CSMD1: variants seen among roughly 807,000 people sequenced by gnomAD.
CSMD1 encodes the protein CUB and sushi domain-containing protein 1.
A neutral mutation model predicts 417.5 loss-of-function variants in CSMD1; 213 were observed. The observed-to-expected ratio is 0.51, with a 90% CI of 0.46 to 0.57. The LOEUF is 0.57. CSMD1 is among the 20% of genes least tolerant of loss of function. The pLI, the probability that CSMD1 is intolerant of heterozygous loss-of-function variation, is 0.00. For synonymous variants in CSMD1, 2,862 were observed against 1,736.8 expected (o/e 1.65, Z -16.11); for missense variants, 6,923 against 4,529.7 (o/e 1.53, Z -15.17).
chr8:3,951,444 T>G (rs748466858), intron 5 of CSMD1, among the ~76,000 whole-genome samples: 1 of 152,206 alleles, frequency 6.6e-6, no homozygotes, highest in Non-Finnish European at 1.5e-5. Flanking sequence ...TAGTGGGATG[T>G]AGAGTGCTGT....
At chr8:3,041,927 G>T (rs537248455) in intron 50 of CSMD1, among the ~76,000 whole-genome samples, 2 of 152,114 alleles carry the variant, frequency 1.3e-5, no homozygotes, top group African/African-American at 4.8e-5. Flanking sequence ...TTGACATCAC[G>T]GTCCTCTTGG....
intron 3 of CSMD1, among the ~76,000 whole-genome samples, chr8:4,248,441 G>T (rs971389517): frequency 6.6e-6 from 1 of 152,072 alleles, no homozygotes; most frequent in Non-Finnish European, 1.5e-5. Flanking sequence ...TTGAACATAA[G>T]ATCCTAATTA....
intron 1 of CSMD1, among the ~76,000 whole-genome samples, chr8:4,984,317 A>C (rs1421421138): frequency 2.0e-5 from 3 of 152,198 alleles, no homozygotes; most frequent in Non-Finnish European, 4.4e-5. Context: ...TGAGAGTAGA[A>C]AGGAGCAAGG....
intron 6 of CSMD1, among the ~76,000 whole-genome samples, chr8:3,736,765 T>C (rs2981369): frequency 0.62 from 94,411 of 152,064 alleles, 31,012 homozygotes; most frequent in East Asian, 0.75. Context: ...AGGTGTGTCG[T>C]TTTGCCTCAG....
At chr8:4,699,682 A>G (rs1333826771) in intron 1 of CSMD1, among the ~76,000 whole-genome samples, 3 of 152,210 alleles carry the variant, frequency 2.0e-5, no homozygotes, top group Admixed American at 2.0e-4. Flanking sequence ...CATCATCCGT[A>G]CATATGATTT....
chr8:3,159,587 T>G (rs1318090016), intron 38 of CSMD1, among the ~76,000 whole-genome samples: 1 of 152,172 alleles, frequency 6.6e-6, no homozygotes, highest in Non-Finnish European at 1.5e-5. Context: ...TATATTAAAG[T>G]GTTAGTAAAA....
chr8:4,315,937 T>A (rs568921309), intron 3 of CSMD1, among the ~76,000 whole-genome samples: 1 of 152,264 alleles, frequency 6.6e-6, no homozygotes, highest in East Asian at 1.9e-4. Context: ...AAATATAACC[T>A]TCTCTTAACT....
rs562338400 is a variant in CSMD1, at chr8:3,516,699, G to A, written c.1345-22973C>T. Reference sequence around the variant, plus strand: ...AGGTGGTATTTGGTTACATGAGAAAGTTCTTTGGTGGAGATTTGTGATATT... The same window carrying A: ...AGGTGGTATTTGGTTACATGAGAAAATTCTTTGGTGGAGATTTGTGATATT... On this transcript the variant is annotated intron_variant, in intron 10 of 69. Transcript: ENST00000635120. 1.7e-4 allele frequency among the ~76,000 whole-genome samples: 26 copies of A among 152,246 alleles called. 1 individual carries two copies. The highest frequency in any genetic ancestry group is 5.8e-4 in the African/African-American group (24 of 41,544).
chr8:3,033,805 A>C (rs543176848), intron 50 of CSMD1, among the ~76,000 whole-genome samples: 40 of 152,336 alleles, frequency 2.6e-4, no homozygotes, highest in African/African-American at 8.2e-4. Flanking sequence ...AAAATAAATA[A>C]ACAAATTTGG....
intron 1 of CSMD1, among the ~76,000 whole-genome samples, chr8:4,684,939 G>C (rs1368192271): frequency 1.3e-5 from 2 of 152,030 alleles, no homozygotes; most frequent in African/African-American, 2.4e-5. Flanking sequence ...TTTTACATTT[G>C]CTCCCAATTG....
chr8:3,636,447 G>A (rs978463225), intron 7 of CSMD1, among the ~76,000 whole-genome samples: 8 of 152,152 alleles, frequency 5.3e-5, no homozygotes, highest in Non-Finnish European at 8.8e-5. Context: ...CACAGTGGTA[G>A]GATTACAGGT....
chr8:3,149,596 G>C (rs1819067439), intron 40 of CSMD1, among the ~76,000 whole-genome samples: 1 of 152,170 alleles, frequency 6.6e-6, no homozygotes, highest in Non-Finnish European at 1.5e-5. Context: ...TCTTGCCTCA[G>C]CCTCCCAAGT....
chr8:3,469,738 C>T (rs1176701903), intron 11 of CSMD1, among the ~76,000 whole-genome samples: 1 of 152,192 alleles, frequency 6.6e-6, no homozygotes, highest in East Asian at 1.9e-4. Flanking sequence ...CCTACATCCT[C>T]ACCTTAGGCA....
chr8:3,274,253 A>C (rs1309812389), intron 26 of CSMD1, among the ~76,000 whole-genome samples: 2 of 151,866 alleles, frequency 1.3e-5, no homozygotes, highest in East Asian at 3.9e-4. Flanking sequence ...TGAGATTCTT[A>C]ATCCTGAGTT....
intron 1 of CSMD1, among the ~76,000 whole-genome samples, chr8:4,820,077 C>A (rs1341049461): frequency 6.6e-6 from 1 of 152,144 alleles, no homozygotes; most frequent in African/African-American, 2.4e-5. Context: ...TGCCTTGTAC[C>A]TCTGGTCCAA....
chr8:3,530,983 G>C (rs1046470618), intron 10 of CSMD1, among the ~76,000 whole-genome samples: 4 of 151,450 alleles, frequency 2.6e-5, no homozygotes, highest in African/African-American at 9.7e-5. Flanking sequence ...TTCCTGAGTA[G>C]CTGGGACTGC....
chr8:3,775,791 C>A (rs755103453), intron 5 of CSMD1, among the ~76,000 whole-genome samples: 2 of 152,226 alleles, frequency 1.3e-5, no homozygotes, highest in Admixed American at 6.5e-5. Context: ...CGAAGCATTG[C>A]TGGGTGCTGA....
chr8:4,816,475 T>C (rs1394292246), intron 1 of CSMD1, among the ~76,000 whole-genome samples: 1 of 152,080 alleles, frequency 6.6e-6, no homozygotes, highest in Non-Finnish European at 1.5e-5. Flanking sequence ...TGATCCACCC[T>C]CCTCAGGCTC....
chr8:4,985,045 G>T (rs1440339121), intron 1 of CSMD1, among the ~76,000 whole-genome samples: 1 of 152,146 alleles, frequency 6.6e-6, no homozygotes. Context: ...AAAAGAACAA[G>T]ATCATGTCCT....
Sources: gnomAD v4.1 joint callset for allele counts (sites outside exome capture counted in the v4.1 genomes callset) on GRCh38, gnomAD v4.1.1 for gene constraint, MANE v1.5 for transcripts, NCBI Gene and HGNC (gene_info 2026-07-23, HGNC 2026-07-21) for gene names.